The following DNAAF3 variants were observed in gnomAD, a reference collection of about 807,000 sequenced individuals.
DNAAF3 encodes UPF0470 protein C19orf51.
DNAAF3 carries 40 observed loss-of-function variants against 50.9 expected under a neutral mutation model. The ratio of observed to expected loss-of-function variants is 0.79; its 90% CI spans 0.61 to 1.02. The LOEUF is 1.02. Among genes scored for constraint, DNAAF3 ranks in the 50% least tolerant of loss-of-function variants. The pLI, the probability that DNAAF3 is intolerant of heterozygous loss-of-function variation, is 0.00. For missense variants in DNAAF3, 763 were observed against 744.7 expected (o/e 1.02, Z -0.29); for synonymous variants, 327 against 322.8 (o/e 1.01, Z -0.14).
Position 55,161,726 on chromosome 19 carries a change from G to A in DNAAF3, c.580C>T (p.Leu194=), listed in dbSNP as rs753887109. ...FPMSRLWDSR[L]RHYLGSRYDA... ...TAGCGGGAGCCCAGGTAGTGGCGCAGGCGCGAGTCCCAGAGGCGGCTCATG... is the reference window on the plus strand; with the variant it reads ...TAGCGGGAGCCCAGGTAGTGGCGCAAGCGCGAGTCCCAGAGGCGGCTCATG... Residue 194 remains leucine, a synonymous_variant, in exon 6 of 12, where the codon CTG becomes TTG. Coordinates refer to ENST00000524407, the MANE Select transcript of DNAAF3 (RefSeq NM_001256715.2). The surrounding 1 kb of genome is among the most constrained non-coding windows in gnomAD (Gnocchi z 6.4). 1.3e-6 allele frequency: 2 copies of A among 1,540,672 alleles called. No individual in the cohort carries two copies. The highest frequency in any genetic ancestry group is 1.4e-5 in the African/African-American group (1 of 72,878).
rs1489466861 is a variant in DNAAF3, at chr19:55,161,736, C to G, written c.570G>C (p.Trp190Cys). Residue 190 changes from tryptophan to cysteine, a missense_variant, in exon 6 of 12, where the codon TGG becomes TGC. By Grantham distance (215) the Trp-to-Cys change is radical. Coordinates refer to ENST00000524407, the MANE Select transcript of DNAAF3 (RefSeq NM_001256715.2). This position sits in a 1 kb window ranked among gnomAD's most constrained non-coding sequence, Gnocchi z 6.4. ...CCAGGTAGTGGCGCAGGCGCGAGTC[C>G]CAGAGGCGGCTCATGGGGAACGCCT... ...GPQAFPMSRLWDSRLRHYLGS... is the reference protein window; with the variant it reads ...GPQAFPMSRLCDSRLRHYLGS... 1 of 1,538,864 alleles carries G rather than the reference C, an allele frequency of 6.5e-7. No homozygotes were observed. The highest frequency in any genetic ancestry group is 1.4e-5 in the African/African-American group (1 of 72,784).
intron 3 of DNAAF3, 133 bp downstream of exon 3, chr19:55,165,725 G>T: frequency 1.4e-6 from 2 of 1,453,748 alleles, no homozygotes; most frequent in Non-Finnish European, 9.3e-7. Flanking sequence ...GCATCGGTTC[G>T]CTCCCAGCTT....
Position 55,161,897 on chromosome 19 carries a change from C to CCT in DNAAF3, c.481-74_481-73dup, listed in dbSNP as rs1290679287. The CCT allele has an allele frequency of 7.3e-7, 1 of 1,368,356 alleles. No homozygotes were observed. Among genetic ancestry groups the CCT allele is most frequent in the African/African-American group, 1.5e-5 (1 of 65,342 alleles). The allele number at this position is 1,368,356 out of a possible 1,614,324, so 84.8% of individuals were successfully genotyped here. A position where few individuals can be genotyped will look rare whatever the true frequency, so the allele number is the denominator to read the frequency against. On this transcript the variant is annotated intron_variant, in intron 5 of 11. Transcript: ENST00000524407. This position sits in a 1 kb window ranked among gnomAD's most constrained non-coding sequence, Gnocchi z 6.4. ...GCAGGGAGAGCGGATTCTAATTGAC[C>CCT]CTCTCTTCCATCCCAGAACAGGGGA...
chr19:55,161,040 C>G lies in DNAAF3; in HGVS notation c.912+25G>C. 6.5e-7 allele frequency: 1 copy of G among 1,528,718 alleles called. No individual in the cohort carries two copies. The highest frequency in any genetic ancestry group is 8.8e-7 in the Non-Finnish European group (1 of 1,139,200). 94.7% of individuals were successfully genotyped at this position (1,528,718 alleles called of 1,614,324 possible). A position where few individuals can be genotyped will look rare whatever the true frequency, so the allele number is the denominator to read the frequency against. The stretch of plus-strand genomic sequence containing the variant: ...CACCGACCCCCAGCCCCACCTCTAC[C>G]CCCAGTCCCAGCCTCGCCGCGCACC... On this transcript the variant is annotated intron_variant, in intron 8 of 11. Transcript: ENST00000524407. The surrounding 1 kb of genome is among the most constrained non-coding windows in gnomAD (Gnocchi z 6.4).
intron 5 of DNAAF3, 24 bp downstream of exon 5, chr19:55,162,109 C>G: frequency 1.6e-6 from 2 of 1,243,346 alleles, no homozygotes; most frequent in Non-Finnish European, 2.0e-6. Flanking sequence ...CACCCGATCC[C>G]AGATGGAGGC....
intron 4 of DNAAF3, chr19:55,162,545 C>T: frequency 3.6e-6 from 3 of 844,704 alleles, no homozygotes; most frequent in Non-Finnish European, 4.5e-6. Context: ...GAGATCATGC[C>T]ATTGCACTCC....
At position 55,161,694 on chromosome 19, in the gene DNAAF3, GGCGTCGTAGCGGGA is replaced by G. The variant is rs772829541; in HGVS notation, c.598_611del (p.Ser200ProfsTer15). The G allele has an allele frequency of 4.5e-5, 69 of 1,540,926 alleles. No homozygotes were observed. The highest frequency in any genetic ancestry group is 5.9e-5 in the Non-Finnish European group (68 of 1,146,576). On this transcript the variant is annotated frameshift_variant, in exon 6 of 12. Transcript: ENST00000524407. LOFTEE classifies it high-confidence loss of function. The surrounding 1 kb of genome is among the most constrained non-coding windows in gnomAD (Gnocchi z 6.4). ...GGTCCCAGTCGCTGACACCGCGCCGGGCGTCGTAGCGGGAGCCCAGGTAGTGGCGCAGGCGCGAG... is the reference window on the plus strand; with the variant it reads ...GGTCCCAGTCGCTGACACCGCGCCGGGCCCAGGTAGTGGCGCAGGCGCGAG...
At chr19:55,163,077 C>T (rs1271170266) in intron 4 of DNAAF3, among the ~76,000 whole-genome samples, 31 of 142,658 alleles carry the variant, frequency 2.2e-4, no homozygotes, top group Non-Finnish European at 3.2e-4. Flanking sequence ...TGGCGCGATC[C>T]CGGCTCACTG....
rs1185612959 is a variant in DNAAF3 at position 55,165,415 on chromosome 19, TC to T, written c.276del (p.Ile93SerfsTer4). The T allele has an allele frequency of 1.2e-6, 2 of 1,613,990 alleles. No individual in the cohort carries two copies. Among genetic ancestry groups the T allele is most frequent in the South Asian group, 1.1e-5 (1 of 91,070 alleles). Reference protein sequence around the residue: ...NNLEAVARHMLIFSLALEEPE... With the variant: ...NNLEAVARHMXIFSLALEEPE... Reference sequence around the variant, plus strand: ...GGTTCCTCCAGGGCTAGGCTGAAGATCAGCATGTGTCGGGCCACAGCTTCCA... The same window carrying T: ...GGTTCCTCCAGGGCTAGGCTGAAGATAGCATGTGTCGGGCCACAGCTTCCA... On this transcript the variant is annotated frameshift_variant, in exon 4 of 12. Coordinates refer to ENST00000524407, the MANE Select transcript of DNAAF3 (RefSeq NM_001256715.2). LOFTEE classifies it high-confidence loss of function.
Position 55,160,499 on chromosome 19 carries a change from G to A in DNAAF3, c.1048+141C>T, listed in dbSNP as rs2085801954. 1.4e-6 allele frequency: 2 copies of A among 1,407,962 alleles called. No homozygotes were observed. The highest frequency in any genetic ancestry group is 4.3e-5 in the Admixed American group (2 of 46,632). The allele number at this position is 1,407,962 out of a possible 1,614,324, so 87.2% of individuals were successfully genotyped here. The stretch of plus-strand genomic sequence containing the variant: ...AAGCATGCTCTCAGAATTTAGGAAA[G>A]GGAGAGAAAGAGAGAAAAAGAGACA... On this transcript the variant is annotated intron_variant, in intron 9 of 11. Coordinates refer to ENST00000524407, the MANE Select transcript of DNAAF3 (RefSeq NM_001256715.2). The surrounding 1 kb of genome is among the most constrained non-coding windows in gnomAD (Gnocchi z 4.7).
chr19:55,159,403 G>A lies in DNAAF3; in HGVS notation c.1285C>T (p.Arg429Trp), dbSNP rs77322382. 263 of 1,614,014 alleles carry A rather than the reference G, an allele frequency of 1.6e-4. No individual in the cohort carries two copies. Among genetic ancestry groups the A allele is most frequent in the Middle Eastern group, 3.3e-4 (2 of 6,084 alleles). ...RQEQLQGFNT[R>W]VRELAQAAGF... ...GCTGCCTGAGCTAGCTCCCTGACCC[G>A]GGTGTTGAATCCCTGCAGCTGCTCC... Residue 429 changes from arginine (R) to tryptophan (W), a missense_variant, in exon 12 of 12, where the codon CGG (arginine) becomes TGG (tryptophan). Arg to Trp is a moderately radical substitution (Grantham distance 101). Transcript: ENST00000524407.
At position 55,166,352 on chromosome 19, in the gene DNAAF3, G is replaced by A. The variant is rs1275367301; in HGVS notation, c.62C>T (p.Pro21Leu). 4 of 1,613,692 alleles carry A rather than the reference G, an allele frequency of 2.5e-6. No homozygotes were observed. The highest frequency in any genetic ancestry group is 2.2e-5 in the East Asian group (1 of 44,874). ...ACTTTCAGCCTGCAGGTCCAGCGCCGGGGACAGGCCCCACCAGGACACGGA... is the reference window on the plus strand; with the variant it reads ...ACTTTCAGCCTGCAGGTCCAGCGCCAGGGACAGGCCCCACCAGGACACGGA... The part of the protein sequence containing the change: ...FGSVSWWGLS[P>L]ALDLQAESPP... The change falls in exon 2 of 12, where the codon CCG becomes CTG. Residue 21 changes from proline to leucine, a missense_variant. Transcript: ENST00000524407. The surrounding 1 kb of genome is among the most constrained non-coding windows in gnomAD (Gnocchi z 4.0).
In DNAAF3 at chr19:55,165,368, A is replaced by C. The variant is rs1264141883; in HGVS notation, c.322+2T>G. 2 of 1,613,868 alleles carry C rather than the reference A, an allele frequency of 1.2e-6. No individual in the cohort carries two copies. The highest frequency in any genetic ancestry group is 1.7e-6 in the Non-Finnish European group (2 of 1,179,934). ...CAGAATGCCTGGGTCCTAGCAACAGACCTTGCAGCCCCATCTTCTCCGGTT... is the reference window on the plus strand; with the variant it reads ...CAGAATGCCTGGGTCCTAGCAACAGCCCTTGCAGCCCCATCTTCTCCGGTT... On this transcript the variant is annotated splice_donor_variant, in intron 4 of 11. Transcript: ENST00000524407. LOFTEE classifies it high-confidence loss of function.
In DNAAF3 at chr19:55,161,648, G is replaced by C; in HGVS notation, c.658C>G (p.Arg220Gly). The C allele has an allele frequency of 9.8e-6, 15 of 1,536,212 alleles. No individual in the cohort carries two copies. Among genetic ancestry groups the C allele is most frequent in the Non-Finnish European group, 1.2e-5 (14 of 1,145,438 alleles). ...CCCTCTCCTGGGCCCCTCACCCCGC[G>C]GTCATGCAGCTTCATGCGCAGGTCC... is the stretch of plus-strand genomic sequence containing the variant. ...DWDLRMKLHD[R>G]GAQVIHPQEF... The change falls in exon 6 of 12, where the codon CGC becomes GGC. Residue 220 changes from arginine to glycine, a missense_variant. Arg to Gly is a moderately radical substitution (Grantham distance 125, BLOSUM62 -2). Coordinates refer to ENST00000524407, the MANE Select transcript of DNAAF3 (RefSeq NM_001256715.2). The surrounding 1 kb of genome is among the most constrained non-coding windows in gnomAD (Gnocchi z 6.4).
intron 10 of DNAAF3, 46 bp downstream of exon 10, chr19:55,159,853 G>C (rs2085788535): frequency 6.3e-7 from 1 of 1,599,536 alleles, no homozygotes; most frequent in Non-Finnish European, 8.6e-7. Context: ...GAGGGGCTGG[G>C]GGCCTGATCC....
In DNAAF3 at chr19:55,160,848, TCG is replaced by T. The variant is rs2085813147; in HGVS notation, c.913-75_913-74del. 1 of 1,552,756 alleles carries T rather than the reference TCG, an allele frequency of 6.4e-7. No individual in the cohort carries two copies. The highest frequency in any genetic ancestry group is 2.1e-5 in the Admixed American group (1 of 48,414). ...GCGGGGCTTAGAACGCTGGGAGTCC[TCG>T]GTCCAGGACTAGAACTCCCGCAGCT... On this transcript the variant is annotated intron_variant, in intron 8 of 11. Coordinates refer to ENST00000524407, the MANE Select transcript of DNAAF3 (RefSeq NM_001256715.2). The surrounding 1 kb of genome is among the most constrained non-coding windows in gnomAD (Gnocchi z 4.7).
At chr19:55,159,688 G>C (rs774636121) in intron 10 of DNAAF3, 81 bp from the exon 11 acceptor site, 2 of 1,595,586 alleles carry the variant, frequency 1.3e-6, no homozygotes, top group Non-Finnish European at 1.7e-6. Flanking sequence ...CAGACAATGA[G>C]GGAGGAGGGG....
At position 55,159,896 on chromosome 19, in the gene DNAAF3, TA is replaced by T. The variant is rs1281769138; in HGVS notation, c.1163+2del. The T allele has an allele frequency of 6.2e-7, 1 of 1,613,540 alleles. No individual in the cohort carries two copies. The highest frequency in any genetic ancestry group is 1.1e-5 in the South Asian group (1 of 91,050). On this transcript the variant is annotated splice_donor_variant, in intron 10 of 11. Transcript: ENST00000524407. LOFTEE classifies it high-confidence loss of function. The stretch of plus-strand genomic sequence containing the variant: ...TTGTGAGCACAGCTGCCTCCCCGCT[TA>T]CCCACAGGCCACATAGAGGAGCTGG...
intron 4 of DNAAF3, among the ~76,000 whole-genome samples, chr19:55,163,328 T>G (rs1278672877): frequency 1.4e-5 from 2 of 143,136 alleles, no homozygotes; most frequent in Non-Finnish European, 3.0e-5. Context: ...TTTTTTTTTT[T>G]TTTGTATTTT....
Sources: gnomAD v4.1 joint callset for allele counts (sites outside exome capture counted in the v4.1 genomes callset) on GRCh38, gnomAD v4.1.1 for gene constraint, Gnocchi (gnomAD v3.1) non-coding constraint, MANE v1.5 for transcripts, NCBI Gene and HGNC (gene_info 2026-07-23, HGNC 2026-07-21) for gene names.